ARHGAP15: variants seen among roughly 807,000 people sequenced by gnomAD.
ARHGAP15 encodes Rho GTPase activating protein 15, also known as rho GTPase-activating protein 15.
In ARHGAP15, 51 loss-of-function variants were observed where a neutral mutation model predicts 63.7. The ratio of observed to expected loss-of-function variants is 0.80; its 90% CI spans 0.64 to 1.01. The LOEUF is 1.01. Among genes scored for constraint, ARHGAP15 ranks in the 50% least tolerant of loss-of-function variants. ARHGAP15 has a pLI of 0.00. For missense variants in ARHGAP15, 560 were observed against 564.6 expected (o/e 0.99, Z 0.08); for synonymous variants, 191 against 193.8 (o/e 0.99, Z 0.12).
At chr2:143,696,782 G>A (rs1468117718) in intron 12 of ARHGAP15, among the ~76,000 whole-genome samples, 1 of 152,190 alleles carries the variant, frequency 6.6e-6, no homozygotes, top group Non-Finnish European at 1.5e-5. Context: ...GAAATCTGGT[G>A]TAGAAAAGAG....
At chr2:143,204,335 A>G (rs1296435527) in intron 3 of ARHGAP15, among the ~76,000 whole-genome samples, 1 of 152,138 alleles carries the variant, frequency 6.6e-6, no homozygotes, top group Non-Finnish European at 1.5e-5. Context: ...CTTTTAAACA[A>G]CAGAAATTTA....
intron 6 of ARHGAP15, among the ~76,000 whole-genome samples, chr2:143,321,383 T>G (rs1303681463): frequency 6.6e-6 from 1 of 152,212 alleles, no homozygotes; most frequent in Non-Finnish European, 1.5e-5. Context: ...TGTCCACTGG[T>G]TTTATTTATA....
At chr2:143,424,696 C>T (rs1689070908) in intron 6 of ARHGAP15, among the ~76,000 whole-genome samples, 1 of 152,104 alleles carries the variant, frequency 6.6e-6, no homozygotes, top group African/African-American at 2.4e-5. Flanking sequence ...TCCATTATAC[C>T]CTCAAGGAAA....
intron 8 of ARHGAP15, among the ~76,000 whole-genome samples, chr2:143,472,229 C>T (rs555557803): frequency 7.6e-4 from 115 of 151,916 alleles, no homozygotes; most frequent in Admixed American, 1.6e-3. Flanking sequence ...TGGGTAGACA[C>T]GGCATAAATT....
intron 12 of ARHGAP15, among the ~76,000 whole-genome samples, chr2:143,638,662 AAATAAAT>A (rs1398684051): frequency 1.7e-5 from 1 of 60,532 alleles, no homozygotes; most frequent in Non-Finnish European, 4.4e-5. Flanking sequence ...AATAAAAAAT[AAATAAAT>A]AAAAGAAAAA....
At chr2:143,421,970 A>G (rs1198111601) in intron 6 of ARHGAP15, among the ~76,000 whole-genome samples, 3 of 152,058 alleles carry the variant, frequency 2.0e-5, no homozygotes, top group Admixed American at 2.0e-4. Context: ...ATGAACAAAA[A>G]TGTTTGAAAG....
chr2:143,493,493 T>C (rs1692677604), intron 9 of ARHGAP15, among the ~76,000 whole-genome samples: 1 of 152,226 alleles, frequency 6.6e-6, no homozygotes, highest in Non-Finnish European at 1.5e-5. Context: ...ATCACGCTTT[T>C]AGTCTGATTC....
At chr2:143,541,661 G>T (rs1695058212) in intron 10 of ARHGAP15, among the ~76,000 whole-genome samples, 1 of 152,184 alleles carries the variant, frequency 6.6e-6, no homozygotes, top group African/African-American at 2.4e-5. Context: ...CTGTTTGCCT[G>T]GGTATCAGCA....
chr2:143,724,461 C>T (rs888768636), intron 13 of ARHGAP15, among the ~76,000 whole-genome samples: 9 of 152,294 alleles, frequency 5.9e-5, no homozygotes, highest in African/African-American at 2.2e-4. Context: ...TGTACTACTA[C>T]CCCTGGTGTA....
intron 11 of ARHGAP15, among the ~76,000 whole-genome samples, chr2:143,565,952 A>G (rs960145579): frequency 1.3e-5 from 2 of 152,158 alleles, no homozygotes; most frequent in Non-Finnish European, 2.9e-5. Context: ...TGACTCACAT[A>G]TATTTATATA....
At position 143,413,962 on chromosome 2, in the gene ARHGAP15, T is replaced by C. The variant is rs930404533; in HGVS notation, c.475-21639T>C. On this transcript the variant is annotated intron_variant, in intron 6 of 13. Coordinates refer to ENST00000295095, the MANE Select transcript of ARHGAP15 (RefSeq NM_018460.4). ...GTGTGTGTGTGTGTGTGTGTGTGTG[T>C]GTGTGCGCGCTCTCTGGCAGAAAGT... Among the ~76,000 whole-genome samples, 243 of 59,596 alleles carry C rather than the reference T, an allele frequency of 4.1e-3. 3 individuals carry two copies. Among genetic ancestry groups the C allele is most frequent in the South Asian group, 0.011 (17 of 1,526 alleles). The allele number at this position is 59,596 out of a possible 152,430, so 39.1% of individuals were successfully genotyped here.
intron 6 of ARHGAP15, among the ~76,000 whole-genome samples, chr2:143,330,118 A>T (rs866046869): frequency 0.018 from 1,093 of 60,628 alleles, 120 homozygotes; most frequent in African/African-American, 0.079. Context: ...AAAAAAAAAA[A>T]AAAAAAAAAA....
intron 10 of ARHGAP15, among the ~76,000 whole-genome samples, chr2:143,532,231 A>G (rs762409397): frequency 3.3e-5 from 5 of 152,226 alleles, no homozygotes; most frequent in Non-Finnish European, 5.9e-5. Context: ...AAGATTTTAC[A>G]GGCATAACTT....
chr2:143,260,083 A>G (rs1193070969), intron 6 of ARHGAP15, among the ~76,000 whole-genome samples: 2 of 152,092 alleles, frequency 1.3e-5, no homozygotes, highest in African/African-American at 4.8e-5. Context: ...AGGTTCATAA[A>G]TTTCTTCCCA....
chr2:143,296,296 G>T (rs1209685703), intron 6 of ARHGAP15, among the ~76,000 whole-genome samples: 1 of 152,040 alleles, frequency 6.6e-6, no homozygotes, highest in African/African-American at 2.4e-5. Flanking sequence ...GCATGAAATT[G>T]ACAAGGAATG....
chr2:143,589,203 C>A (rs1328377858), intron 11 of ARHGAP15, among the ~76,000 whole-genome samples: 7 of 152,150 alleles, frequency 4.6e-5, no homozygotes, highest in Non-Finnish European at 1.0e-4. Flanking sequence ...TATATACTTC[C>A]ACTTAAGTAG....
chr2:143,452,654 T>C (rs750895716), intron 8 of ARHGAP15, among the ~76,000 whole-genome samples: 6 of 110,046 alleles, frequency 5.5e-5, no homozygotes, highest in Non-Finnish European at 3.7e-5. Context: ...GTGGCCCCTT[T>C]GGATTTTTTT....
intron 11 of ARHGAP15, among the ~76,000 whole-genome samples, chr2:143,570,158 A>C (rs945186588): frequency 2.6e-5 from 4 of 152,186 alleles, no homozygotes; most frequent in African/African-American, 9.7e-5. Flanking sequence ...AACCATCCTA[A>C]TGAAGTAATC....
At chr2:143,202,546 C>T (rs369388267) in intron 3 of ARHGAP15, among the ~76,000 whole-genome samples, 6 of 152,166 alleles carry the variant, frequency 3.9e-5, no homozygotes, top group Non-Finnish European at 8.8e-5. Context: ...TTTTTCAAAG[C>T]ATCCAAGATG....
Sources: allele counts gnomAD v4.1 joint callset (sites outside exome capture counted in the v4.1 genomes callset), GRCh38; gene constraint gnomAD v4.1.1; transcripts MANE v1.5; gene names NCBI Gene and HGNC (gene_info 2026-07-23, HGNC 2026-07-21).